Variants in XPO4 observed in about 807,000 individuals in gnomAD.
The protein encoded by XPO4 is exportin-4.
A neutral mutation model predicts 143.0 loss-of-function variants in XPO4; 39 were observed. The observed-to-expected ratio is 0.27, with a 90% CI of 0.21 to 0.36. The LOEUF (loss-of-function observed/expected upper bound fraction) is 0.36. XPO4 is among the 10% of genes least tolerant of loss of function. The probability of loss-of-function intolerance (pLI) is 1.00; values close to 1 mark genes in which losing one functional copy is unlikely to be tolerated. For synonymous variants in XPO4, 439 were observed against 474.0 expected, an observed-to-expected ratio of 0.93 and a Z score of 0.96; for missense variants, 907 against 1,348.0, an observed-to-expected ratio of 0.67 and a Z score of 5.12.
intron 4 of XPO4, chr13:20,849,359 G>A (rs958008232): frequency 4.1e-6 from 4 of 985,408 alleles, no homozygotes; most frequent in Non-Finnish European, 4.8e-6. Context: ...CAAAGAGGAA[G>A]AAAGGAGACT....
At chr13:20,890,932 G>A (rs1420856156) in intron 1 of XPO4, among the ~76,000 whole-genome samples, 1 of 151,130 alleles carries the variant, frequency 6.6e-6, no homozygotes, top group Non-Finnish European at 1.5e-5. Flanking sequence ...GACCAACATA[G>A]AGAAACCCCG....
intron 1 of XPO4, among the ~76,000 whole-genome samples, chr13:20,870,573 T>C (rs1310022463): frequency 6.6e-6 from 1 of 151,792 alleles, no homozygotes; most frequent in Admixed American, 6.6e-5. Flanking sequence ...CTACTAAAAA[T>C]ACAAAAATGA....
At chr13:20,868,766 T>C in intron 1 of XPO4, 65 bp from the exon 2 acceptor site, 1 of 1,475,486 alleles carries the variant, frequency 6.8e-7, no homozygotes, top group Non-Finnish European at 9.2e-7. Flanking sequence ...ATATCAATAT[T>C]TTTACCCACA....
At chr13:20,899,601 ATT>A (rs1410556827) in intron 1 of XPO4, among the ~76,000 whole-genome samples, 2 of 152,160 alleles carry the variant, frequency 1.3e-5, no homozygotes, top group African/African-American at 4.8e-5. Flanking sequence ...ACACCAAAAA[ATT>A]TGTTACAATT....
intron 1 of XPO4, chr13:20,869,576 ACAAT>A (rs749616896): frequency 5.6e-4 from 471 of 835,328 alleles, no homozygotes; most frequent in Non-Finnish European, 6.2e-4. Context: ...GAAAAATGTT[ACAAT>A]CAATTATATT....
chr13:20,860,712 C>A (rs1474431461), intron 3 of XPO4, among the ~76,000 whole-genome samples: 1 of 152,114 alleles, frequency 6.6e-6, no homozygotes, highest in Non-Finnish European at 1.5e-5. Context: ...TCCAAATGGA[C>A]CCACCAAACA....
At position 20,780,447 on chromosome 13, in the gene XPO4, A is replaced by G. The variant is rs9315865; in HGVS notation, c.*3275T>C. ...TGGGAAACATGGTGATATTACAACT[A>G]TAAAGACTTGACATTTTTGTTAAAA... is the stretch of plus-strand genomic sequence containing the variant. On this transcript the variant is annotated 3_prime_UTR_variant, in exon 23 of 23. Coordinates refer to ENST00000255305, the MANE Select transcript of XPO4 (RefSeq NM_022459.5). The G allele has an allele frequency of 0.37, 56,064 of 152,036 alleles. 12,330 individuals are homozygous for G. The highest frequency in any genetic ancestry group is 0.5 in the Non-Finnish European group (34,067 of 67,972). 9.4% of individuals were successfully genotyped at this position (152,036 alleles called of 1,614,324 possible).
At chr13:20,854,791 C>A (rs1026104943) in intron 4 of XPO4, among the ~76,000 whole-genome samples, 1 of 152,152 alleles carries the variant, frequency 6.6e-6, no homozygotes, top group Non-Finnish European at 1.5e-5. Flanking sequence ...AAAAGGTGGA[C>A]AGGAGAGTGG....
intron 1 of XPO4, among the ~76,000 whole-genome samples, chr13:20,890,930 T>C (rs756944113): frequency 1.3e-5 from 2 of 150,388 alleles, no homozygotes; most frequent in Non-Finnish European, 1.5e-5. Flanking sequence ...CGGACCAACA[T>C]AGAGAAACCC....
At chr13:20,855,807 T>G (rs1283532557) in intron 3 of XPO4, 42 bp from the exon 4 acceptor site, 1 of 1,536,022 alleles carries the variant, frequency 6.5e-7, no homozygotes, top group Non-Finnish European at 8.7e-7. Flanking sequence ...TACCTAAATC[T>G]AATACAAGAA....
At chr13:20,864,055 C>G (rs966568328) in intron 2 of XPO4, among the ~76,000 whole-genome samples, 1 of 151,990 alleles carries the variant, frequency 6.6e-6, no homozygotes, top group African/African-American at 2.4e-5. Flanking sequence ...CAATTTGAAC[C>G]TTTTTTTAAA....
chr13:20,863,648 T>C (rs529865757), intron 2 of XPO4, among the ~76,000 whole-genome samples: 1 of 152,328 alleles, frequency 6.6e-6, no homozygotes, highest in African/African-American at 2.4e-5. Context: ...CCAAACAGCA[T>C]TATCAACAGG....
intron 1 of XPO4, among the ~76,000 whole-genome samples, chr13:20,901,537 A>G (rs2138198175): frequency 6.6e-6 from 1 of 152,366 alleles, no homozygotes; most frequent in South Asian, 2.1e-4. Context: ...AACCTTCACT[A>G]GTCTGTTTTG....
intron 13 of XPO4, 45 bp from the exon 14 acceptor site, chr13:20,801,035 T>C (rs922919515): frequency 2.5e-6 from 4 of 1,590,164 alleles, no homozygotes; most frequent in Non-Finnish European, 3.4e-6. Flanking sequence ...ATTTATTTAG[T>C]TGCTGTCTAA....
intron 2 of XPO4, among the ~76,000 whole-genome samples, chr13:20,867,138 C>A (rs1359651355): frequency 6.6e-6 from 1 of 152,192 alleles, no homozygotes; most frequent in Non-Finnish European, 1.5e-5. Flanking sequence ...ATATCCTCCA[C>A]AGGTATATGT....
intron 13 of XPO4, among the ~76,000 whole-genome samples, chr13:20,804,149 TAC>T (rs1034638821): frequency 0.03 from 4,576 of 150,498 alleles, 112 homozygotes; most frequent in Non-Finnish European, 0.049. Context: ...ACTATATATA[TAC>T]ACACAATATA....
chr13:20,898,357 G>A (rs2060588589), intron 1 of XPO4, among the ~76,000 whole-genome samples: 1 of 152,110 alleles, frequency 6.6e-6, no homozygotes, highest in African/African-American at 2.4e-5. Context: ...CTGAGGTCAG[G>A]AGTTCAAGAC....
At chr13:20,837,292 T>C (rs1464249793) in intron 6 of XPO4, among the ~76,000 whole-genome samples, 2 of 152,190 alleles carry the variant, frequency 1.3e-5, no homozygotes, top group Non-Finnish European at 2.9e-5. Flanking sequence ...TTTCCCGAGT[T>C]GTGACAATCC....
rs577924535 is a variant in XPO4 at position 20,824,510 on chromosome 13, C to T, written c.841-2221G>A. Among the ~76,000 whole-genome samples, 6 of 152,290 alleles carry T rather than the reference C, an allele frequency of 3.9e-5. No individual in the cohort carries two copies. The South Asian group carries it at 1.2e-3, about 32-fold the overall frequency. ...AAAGTTAAAATAAATAAATAACTGT[C>T]TTTCGAGACGGTGTGTGCTGTTCAA... is the stretch of plus-strand genomic sequence containing the variant. On this transcript the variant is annotated intron_variant, in intron 7 of 22. Coordinates refer to ENST00000255305, the MANE Select transcript of XPO4 (RefSeq NM_022459.5).
Sources: gnomAD v4.1 joint callset for allele counts (sites outside exome capture counted in the v4.1 genomes callset) on GRCh38, gnomAD v4.1.1 for gene constraint, MANE v1.5 for transcripts, NCBI Gene and HGNC (gene_info 2026-07-23, HGNC 2026-07-21) for gene names.